HCRTR2: variants seen among roughly 807,000 people sequenced by gnomAD.
The protein encoded by HCRTR2 is orexin receptor type 2.
Under a neutral mutation model 49.0 loss-of-function variants are expected in HCRTR2, and 22 were observed. The ratio of observed to expected loss-of-function variants is 0.45; its 90% CI spans 0.32 to 0.64. The LOEUF is 0.64. Among genes scored for constraint, HCRTR2 ranks in the 30% least tolerant of loss-of-function variants. The probability of loss-of-function intolerance (pLI) is 0.04; values close to 1 mark genes in which losing one functional copy is unlikely to be tolerated. For missense variants in HCRTR2, 491 were observed against 559.4 expected, an observed-to-expected ratio of 0.88 and a Z score of 1.23; for synonymous variants, 236 against 205.3, an observed-to-expected ratio of 1.15 and a Z score of -1.28.
At chr6:55,240,106 C>A (rs1394660072) in intron 1 of HCRTR2, among the ~76,000 whole-genome samples, 2 of 151,518 alleles carry the variant, frequency 1.3e-5, no homozygotes, top group Non-Finnish European at 2.9e-5. Flanking sequence ...TTATTTAATC[C>A]CAGCACTTTG....
chr6:55,276,118 T>G (rs1195031218), intron 4 of HCRTR2, among the ~76,000 whole-genome samples: 1 of 152,136 alleles, frequency 6.6e-6, no homozygotes, highest in Non-Finnish European at 1.5e-5. Context: ...AGTTCCTATC[T>G]CTCCCCAACC....
intron 1 of HCRTR2, among the ~76,000 whole-genome samples, chr6:55,162,494 C>T (rs1764820841): frequency 6.6e-6 from 1 of 152,106 alleles, no homozygotes; most frequent in South Asian, 2.1e-4. Context: ...CCAGGGCAAT[C>T]AGGCAAGAGA....
intron 1 of HCRTR2, among the ~76,000 whole-genome samples, chr6:55,128,947 G>T (rs1344602501): frequency 4.6e-5 from 7 of 151,958 alleles, no homozygotes; most frequent in East Asian, 1.9e-4. Context: ...AAATCTAATG[G>T]CTTATTTCTG....
At position 55,279,774 on chromosome 6, in the gene HCRTR2, T is replaced by A. The variant is rs911910783; in HGVS notation, c.984-549T>A. Among the ~76,000 whole-genome samples the A allele has an allele frequency of 3.3e-5, 5 of 152,196 alleles. No homozygotes were observed. The South Asian group carries it at 8.3e-4, about 25-fold the overall frequency. The stretch of plus-strand genomic sequence containing the variant: ...ATAATACATGAAAAATTAACACTCA[T>A]TAATTTTTAAAAATTACCAAAATTC... On this transcript the variant is annotated intron_variant, in intron 5 of 6. Coordinates refer to ENST00000370862, the MANE Select transcript of HCRTR2 (RefSeq NM_001384272.1).
At chr6:55,117,575 C>T (rs536801094) in intron 1 of HCRTR2, among the ~76,000 whole-genome samples, 2 of 151,720 alleles carry the variant, frequency 1.3e-5, no homozygotes, top group South Asian at 4.1e-4. Flanking sequence ...AAAATCTTCT[C>T]TTTTAGCTAT....
At chr6:55,131,352 A>G (rs929172544) in intron 1 of HCRTR2, among the ~76,000 whole-genome samples, 3 of 151,820 alleles carry the variant, frequency 2.0e-5, no homozygotes, top group African/African-American at 7.2e-5. Context: ...TAAAGAAAAC[A>G]TTTATTTCAA....
At chr6:55,272,847 C>CTTT (rs993989385) in intron 4 of HCRTR2, among the ~76,000 whole-genome samples, 15 of 111,292 alleles carry the variant, frequency 1.3e-4, no homozygotes, top group South Asian at 3.0e-4. Flanking sequence ...GAGGGAAAAC[C>CTTT]TTTTTTTTTT....
At chr6:55,191,379 T>C (rs4236127) in intron 1 of HCRTR2, among the ~76,000 whole-genome samples, 32,720 of 152,064 alleles carry the variant, frequency 0.22, 3,669 homozygotes, top group Admixed American at 0.29. Context: ...ATAAAGTCAG[T>C]CTTTCAGGAT....
chr6:55,217,353 C>A (rs575181584), intron 1 of HCRTR2, among the ~76,000 whole-genome samples: 2 of 152,208 alleles, frequency 1.3e-5, no homozygotes, highest in African/African-American at 4.8e-5. Flanking sequence ...CTTTTCAAAT[C>A]ATTTTGCTGT....
chr6:55,174,994 C>G (rs936204356), intron 1 of HCRTR2, among the ~76,000 whole-genome samples, 184 bp downstream of exon 1: 1 of 152,080 alleles, frequency 6.6e-6, no homozygotes, highest in Non-Finnish European at 1.5e-5. Context: ...GAACCGGGAC[C>G]GAGCCCTGGA....
At chr6:55,116,119 C>G (rs756736226) in intron 1 of HCRTR2, among the ~76,000 whole-genome samples, 61 of 151,404 alleles carry the variant, frequency 4.0e-4, no homozygotes, top group Non-Finnish European at 1.6e-4. Context: ...TAGAAATTTA[C>G]TAACTCCAAA....
intron 1 of HCRTR2, among the ~76,000 whole-genome samples, chr6:55,185,696 G>C (rs898547925): frequency 6.6e-6 from 1 of 152,014 alleles, no homozygotes; most frequent in African/African-American, 2.4e-5. Context: ...ACTATCCCCT[G>C]AGTAAATGAA....
At chr6:55,130,649 C>A (rs1034778233) in intron 1 of HCRTR2, among the ~76,000 whole-genome samples, 11 of 151,760 alleles carry the variant, frequency 7.2e-5, no homozygotes, top group African/African-American at 1.9e-4. Context: ...AGGGTAAAGG[C>A]AAATATTCTT....
rs550827845 is a variant in HCRTR2 at position 55,161,905 on chromosome 6, C to G, written c.-377-12306C>G. Among the ~76,000 whole-genome samples, 13 of 152,194 alleles carry G rather than the reference C, an allele frequency of 8.5e-5. No homozygotes were observed. The South Asian group carries it at 2.7e-3, about 32-fold the overall frequency. Reference sequence around the variant, plus strand: ...TCACAGCCAAATTCTACAAGAGGTACAAATCAGAGCTGGTACCATTCCTTC... The same window carrying G: ...TCACAGCCAAATTCTACAAGAGGTAGAAATCAGAGCTGGTACCATTCCTTC... On this transcript the variant is annotated intron_variant, in intron 1 of 7. Transcript: ENST00000615358.
At chr6:55,120,827 G>A (rs1379548840) in intron 1 of HCRTR2, among the ~76,000 whole-genome samples, 1 of 151,812 alleles carries the variant, frequency 6.6e-6, no homozygotes, top group African/African-American at 2.4e-5. Flanking sequence ...CTGTTCCATT[G>A]GTCTGTATCT....
rs557322941 is a variant in HCRTR2, at chr6:55,261,763, A to G, written c.647-1944A>G. 2.6e-5 allele frequency among the ~76,000 whole-genome samples: 4 copies of G among 152,222 alleles called. No individual in the cohort carries two copies. The South Asian group carries it at 6.2e-4, about 24-fold the overall frequency. On this transcript the variant is annotated intron_variant, in intron 3 of 6. Coordinates refer to ENST00000370862, the MANE Select transcript of HCRTR2 (RefSeq NM_001384272.1). ...AGTAGATCTACTATTTGATCCATCAATCTCCCTACTCTGGTAGCTACCCAG... is the reference window on the plus strand; with the variant it reads ...AGTAGATCTACTATTTGATCCATCAGTCTCCCTACTCTGGTAGCTACCCAG...
At chr6:55,146,916 C>T (rs990947804) in intron 1 of HCRTR2, among the ~76,000 whole-genome samples, 3 of 152,060 alleles carry the variant, frequency 2.0e-5, no homozygotes, top group Non-Finnish European at 4.4e-5. Flanking sequence ...TTTTGTTGTA[C>T]CTTGGAATAG....
At chr6:55,174,889 C>A in intron 1 of HCRTR2, 79 bp downstream of exon 1, 1 of 1,083,336 alleles carries the variant, frequency 9.2e-7, no homozygotes, top group Non-Finnish European at 1.4e-6. Flanking sequence ...TAAAGAGACC[C>A]CTCCCTCCCC....
chr6:55,116,843 G>C (rs1427699075), intron 1 of HCRTR2, among the ~76,000 whole-genome samples: 1 of 151,580 alleles, frequency 6.6e-6, no homozygotes, highest in Non-Finnish European at 1.5e-5. Flanking sequence ...AAACTCCCCA[G>C]AACTCTAATT....
Sources: gnomAD v4.1 joint callset for allele counts (sites outside exome capture counted in the v4.1 genomes callset) on GRCh38, gnomAD v4.1.1 for gene constraint, MANE v1.5 for transcripts, NCBI Gene and HGNC (gene_info 2026-07-23, HGNC 2026-07-21) for gene names.